The following TG variants were observed in gnomAD, a reference collection of about 807,000 sequenced individuals.
TG encodes thyroid hormones.
Under a neutral mutation model 324.7 loss-of-function variants are expected in TG, and 270 were observed. The ratio of observed to expected loss-of-function variants is 0.83; its 90% CI spans 0.75 to 0.92. TG has a LOEUF of 0.92. Ranked by LOEUF, TG falls within the 40% of genes least tolerant of loss-of-function variation. TG has a pLI of 0.00. For synonymous variants in TG, 1,401 were observed against 1,327.0 expected (o/e 1.06, Z -1.21); for missense variants, 3,591 against 3,456.4 (o/e 1.04, Z -0.98).
intron 41 of TG, among the ~76,000 whole-genome samples, chr8:133,085,943 A>G (rs564519136): frequency 3.3e-5 from 5 of 152,352 alleles, no homozygotes; most frequent in African/African-American, 1.2e-4. Context: ...AGCATTATTC[A>G]TAATTGGCAA....
rs1238964656 is a variant in TG at position 133,116,608 on chromosome 8, G to T, written c.7755-1G>T. 1 of 1,613,586 alleles carries T rather than the reference G, an allele frequency of 6.2e-7. No individual in the cohort carries two copies. Among genetic ancestry groups the T allele is most frequent in the South Asian group, 1.1e-5 (1 of 91,082 alleles). The stretch of plus-strand genomic sequence containing the variant: ...CTCCCCCCATGTTCTCTTTTCACCA[G>T]GGACTACTTTATCATCTGCCCTATA... On this transcript the variant is annotated splice_acceptor_variant, in intron 44 of 47. Transcript: ENST00000220616. LOFTEE classifies it high-confidence loss of function.
intron 27 of TG, among the ~76,000 whole-genome samples, chr8:132,956,674 A>G (rs1486463948): frequency 6.6e-6 from 1 of 152,218 alleles, no homozygotes; most frequent in Non-Finnish European, 1.5e-5. Context: ...CTCAGCTGTC[A>G]TGAGCCAGAT....
chr8:132,940,503 T>G (rs1350733358), intron 25 of TG, among the ~76,000 whole-genome samples: 1 of 152,226 alleles, frequency 6.6e-6, no homozygotes, highest in Non-Finnish European at 1.5e-5. Flanking sequence ...CATTAACAAT[T>G]CTACTTAAAA....
At position 132,961,083 on chromosome 8, in the gene TG, G is replaced by T. The variant is rs367836049; in HGVS notation, c.5467+10G>T. Reference sequence around the variant, plus strand: ...GTTTATCTCTGGAAAGGTGAGCTCCGTGGTGGAAGAGGGGGTTAGCAGGAC... The same window carrying T: ...GTTTATCTCTGGAAAGGTGAGCTCCTTGGTGGAAGAGGGGGTTAGCAGGAC... On this transcript the variant is annotated intron_variant, in intron 28 of 47. Transcript: ENST00000220616. The T allele has an allele frequency of 3.7e-6, 6 of 1,613,948 alleles. No individual in the cohort carries two copies. The East Asian group carries it at 6.7e-5, about 18-fold the overall frequency.
At chr8:132,945,189 T>G (rs1448060031) in intron 26 of TG, among the ~76,000 whole-genome samples, 6 of 152,186 alleles carry the variant, frequency 3.9e-5, no homozygotes, top group Non-Finnish European at 5.9e-5. Context: ...TCAGAGTAGA[T>G]GCAGAGATGA....
intron 37 of TG, among the ~76,000 whole-genome samples, chr8:133,016,483 C>G (rs1310782316): frequency 6.6e-6 from 1 of 152,190 alleles, no homozygotes; most frequent in African/African-American, 2.4e-5. Flanking sequence ...TGATACAAAG[C>G]TCCTGCGGAG....
chr8:132,927,750 C>G (rs1165741356), intron 22 of TG, among the ~76,000 whole-genome samples: 1 of 152,166 alleles, frequency 6.6e-6, no homozygotes, highest in East Asian at 1.9e-4. Context: ...AACTGAAAGA[C>G]CTTTCAAATT....
chr8:133,069,872 G>T (rs1843692601), intron 41 of TG, among the ~76,000 whole-genome samples: 1 of 151,722 alleles, frequency 6.6e-6, no homozygotes, highest in Non-Finnish European at 1.5e-5. Flanking sequence ...CGTGGTGGCA[G>T]GTGCTGAAAT....
In TG at chr8:132,911,462, G is replaced by A. The variant is rs148492122; in HGVS notation, c.4088G>A (p.Gly1363Glu). ...GGTTGTCTGACCAGGGAGCGTTTAG[G>A]AGTGAATGTTACATGGAAATCACGG... is the stretch of plus-strand genomic sequence containing the variant. ...QVGCLTRERLGVNVTWKSRLE... is the reference protein window; with the variant it reads ...QVGCLTRERLEVNVTWKSRLE... The change falls in exon 19 of 48, where the codon GGA becomes GAA. Residue 1363 changes from glycine to glutamate, a missense_variant. Gly to Glu is a moderately conservative substitution (Grantham distance 98). Transcript: ENST00000220616. The A allele has an allele frequency of 5.6e-6, 9 of 1,614,104 alleles. No homozygotes were observed. In the African/African-American group the frequency reaches 1.2e-4, roughly 22 times the overall value.
chr8:133,021,953 C>T (rs778000055), intron 39 of TG, 38 bp from the exon 40 acceptor site: 2 of 1,613,638 alleles, frequency 1.2e-6, no homozygotes, highest in South Asian at 2.2e-5. Flanking sequence ...AAGGTGCCCT[C>T]CCCACACTTT....
chr8:133,128,345 A>G (rs1421679870), intron 45 of TG, among the ~76,000 whole-genome samples: 1 of 85,960 alleles, frequency 1.2e-5, no homozygotes, highest in African/African-American at 6.7e-5. Context: ...GTGCACACAC[A>G]CACACACACA....
chr8:133,126,369 A>G (rs997742400), intron 45 of TG, among the ~76,000 whole-genome samples: 1 of 152,240 alleles, frequency 6.6e-6, no homozygotes. Flanking sequence ...TAAGCACACA[A>G]CACAGTTATT....
chr8:133,029,746 C>G, intron 40 of TG, 75 bp from the exon 41 acceptor site: 1 of 1,588,918 alleles, frequency 6.3e-7, no homozygotes, highest in Non-Finnish European at 8.6e-7. Flanking sequence ...ATATGCCTGC[C>G]ATAGACAGCA....
At chr8:133,107,825 G>A (rs189049013) in intron 43 of TG, among the ~76,000 whole-genome samples, 87 of 152,234 alleles carry the variant, frequency 5.7e-4, no homozygotes, top group Middle Eastern at 3.4e-3. Flanking sequence ...CTGTGAAGGT[G>A]TTCTAGATCA....
intron 35 of TG, among the ~76,000 whole-genome samples, chr8:133,009,724 G>A (rs1834336616): frequency 2.0e-5 from 3 of 151,666 alleles, no homozygotes; most frequent in Admixed American, 6.6e-5. Flanking sequence ...GGCTCGCTTG[G>A]TCTTTCTGCT....
intron 25 of TG, among the ~76,000 whole-genome samples, chr8:132,940,387 A>T (rs1396654212): frequency 1.3e-5 from 2 of 152,186 alleles, no homozygotes; most frequent in Admixed American, 6.5e-5. Flanking sequence ...GAAAAATCTC[A>T]TGTTTGCAAA....
intron 34 of TG, among the ~76,000 whole-genome samples, chr8:132,973,297 A>G (rs1829778149): frequency 6.6e-6 from 1 of 152,224 alleles, no homozygotes; most frequent in African/African-American, 2.4e-5. Context: ...AATGTACCAC[A>G]TGGTAGTCCC....
intron 41 of TG, among the ~76,000 whole-genome samples, chr8:133,070,625 G>A (rs1843858000): frequency 6.6e-6 from 1 of 152,170 alleles, no homozygotes; most frequent in African/African-American, 2.4e-5. Context: ...GCTTGTTCAG[G>A]GCTGGGTCTA....
chr8:132,926,414 A>C (rs2132505110), intron 22 of TG, among the ~76,000 whole-genome samples: 1 of 152,298 alleles, frequency 6.6e-6, no homozygotes, highest in East Asian at 1.9e-4. Context: ...GTGGTTCTTC[A>C]TTGCTCTTGG....
Sources: allele counts gnomAD v4.1 joint callset (sites outside exome capture counted in the v4.1 genomes callset), GRCh38; gene constraint gnomAD v4.1.1; transcripts MANE v1.5; gene names NCBI Gene and HGNC (gene_info 2026-07-23, HGNC 2026-07-21).